The following CDH13 variants were observed in gnomAD, a reference collection of about 807,000 sequenced individuals.
CDH13 encodes the protein cadherin-13.
CDH13 carries 24 observed loss-of-function variants against 63.8 expected under a neutral mutation model. That is an observed-to-expected ratio of 0.38 (90% CI 0.27 to 0.53). The LOEUF is 0.53. Among genes scored for constraint, CDH13 ranks in the 20% least tolerant of loss-of-function variants. The probability of loss-of-function intolerance (pLI) is 0.85; values close to 1 mark genes in which losing one functional copy is unlikely to be tolerated. For missense variants in CDH13, 1,049 were observed against 903.1 expected (o/e 1.16, Z -2.07); for synonymous variants, 503 against 355.3 (o/e 1.42, Z -4.67).
At chr16:82,982,330 A>G (rs1471822229) in intron 2 of CDH13, among the ~76,000 whole-genome samples, 1 of 152,174 alleles carries the variant, frequency 6.6e-6, no homozygotes. Flanking sequence ...TTCTGCTTTT[A>G]GAACTGTATT....
chr16:83,493,215 A>G (rs1648299653), intron 7 of CDH13, among the ~76,000 whole-genome samples: 1 of 152,240 alleles, frequency 6.6e-6, no homozygotes, highest in Admixed American at 6.5e-5. Flanking sequence ...AGATGTTTCC[A>G]TGATTGACAA....
At chr16:82,967,069 T>C (rs1190271463) in intron 2 of CDH13, among the ~76,000 whole-genome samples, 2 of 152,216 alleles carry the variant, frequency 1.3e-5, no homozygotes, top group Admixed American at 1.3e-4. Flanking sequence ...GTTCTGTCTT[T>C]CGTGACCATG....
intron 8 of CDH13, among the ~76,000 whole-genome samples, chr16:83,612,098 TGAAA>T (rs1291803036): frequency 1.3e-5 from 2 of 152,232 alleles, no homozygotes; most frequent in East Asian, 1.9e-4. Flanking sequence ...TATCAGTTAC[TGAAA>T]GAGTGATATG....
intron 2 of CDH13, among the ~76,000 whole-genome samples, chr16:82,986,478 C>T (rs777505761): frequency 7.2e-5 from 11 of 152,216 alleles, no homozygotes; most frequent in African/African-American, 1.2e-4. Context: ...GGGTCAAAAA[C>T]ACTGCAAAAT....
chr16:83,299,488 T>C (rs1252376566), intron 5 of CDH13, among the ~76,000 whole-genome samples: 1 of 152,204 alleles, frequency 6.6e-6, no homozygotes, highest in Non-Finnish European at 1.5e-5. Context: ...CCATCACTCA[T>C]CTGCTTTTCC....
At chr16:83,038,311 G>C (rs932527496) in intron 3 of CDH13, among the ~76,000 whole-genome samples, 1 of 152,146 alleles carries the variant, frequency 6.6e-6, no homozygotes, top group East Asian at 1.9e-4. Context: ...TGTGAGGTCT[G>C]ATTGTTAATG....
chr16:82,822,229 T>G (rs2038037361), intron 1 of CDH13, among the ~76,000 whole-genome samples: 1 of 152,116 alleles, frequency 6.6e-6, no homozygotes. Context: ...CTTCCAAATG[T>G]CTATCAAAAG....
At chr16:83,415,644 A>G (rs921092023) in intron 6 of CDH13, among the ~76,000 whole-genome samples, 5 of 152,222 alleles carry the variant, frequency 3.3e-5, no homozygotes, top group African/African-American at 9.6e-5. Flanking sequence ...TTAGCAGACT[A>G]GAAAATAAAA....
intron 5 of CDH13, among the ~76,000 whole-genome samples, chr16:83,232,094 A>G (rs2040011797): frequency 6.6e-6 from 1 of 151,958 alleles, no homozygotes; most frequent in South Asian, 2.1e-4. Flanking sequence ...AACATAACTA[A>G]TGGGTGCTAG....
intron 10 of CDH13, among the ~76,000 whole-genome samples, chr16:83,745,880 C>T (rs1387016972): frequency 4.6e-5 from 7 of 152,172 alleles, no homozygotes; most frequent in Admixed American, 2.0e-4. Context: ...GTATCTTCTT[C>T]GAAGTAAGAT....
At chr16:83,274,218 G>A (rs1344814230) in intron 5 of CDH13, among the ~76,000 whole-genome samples, 1 of 152,196 alleles carries the variant, frequency 6.6e-6, no homozygotes, top group East Asian at 1.9e-4. Context: ...GGGATTGCTG[G>A]CAGGAAGGTG....
Position 82,839,092 on chromosome 16 carries a change from G to A in CDH13, c.46-19270G>A, listed in dbSNP as rs142313213. Among the ~76,000 whole-genome samples the A allele has an allele frequency of 7.5e-4, 114 of 152,322 alleles. 2 individuals carry two copies. Among genetic ancestry groups the A allele is most frequent in the Middle Eastern group, 3.4e-3 (1 of 294 alleles). On this transcript the variant is annotated intron_variant, in intron 1 of 13. Coordinates refer to ENST00000567109, the MANE Select transcript of CDH13 (RefSeq NM_001257.5). ...CTGACAATAGGCTAAGATGTGGCCCGTGGGCTTTGGTTTGCCAATCAATGG... is the reference window on the plus strand; with the variant it reads ...CTGACAATAGGCTAAGATGTGGCCCATGGGCTTTGGTTTGCCAATCAATGG...
chr16:82,975,911 C>T (rs1909436224), intron 2 of CDH13, among the ~76,000 whole-genome samples: 1 of 152,120 alleles, frequency 6.6e-6, no homozygotes. Context: ...ATTTTACTGA[C>T]ATCTCTCCTC....
chr16:83,148,161 C>T (rs1295710301), intron 4 of CDH13, among the ~76,000 whole-genome samples: 1 of 152,192 alleles, frequency 6.6e-6, no homozygotes, highest in Non-Finnish European at 1.5e-5. Context: ...TGATCCTGAA[C>T]TCCTGACCTC....
chr16:83,084,033 C>T (rs575703974), intron 3 of CDH13, among the ~76,000 whole-genome samples: 2 of 152,302 alleles, frequency 1.3e-5, no homozygotes, highest in Admixed American at 6.5e-5. Flanking sequence ...ATTTTTACTA[C>T]ACTTTGTGGC....
chr16:83,215,073 C>CTTTTTTTTTTTTTTTTTTTTTTT lies in CDH13; in HGVS notation c.484-2251_484-2250insTTTTTTTTTTTTTTTTTTTTTTT, dbSNP rs571565652. On this transcript the variant is annotated intron_variant, in intron 4 of 13. Coordinates refer to ENST00000567109, the MANE Select transcript of CDH13 (RefSeq NM_001257.5). ...TTTCATCAGAGAGTATCAAACACCT[C>CTTTTTTTTTTTTTTTTTTTTTTT]TTTTTTTTTTTTTTTTTTTTTGAGA... 5.5e-4 allele frequency among the ~76,000 whole-genome samples: 31 copies of CTTTTTTTTTTTTTTTTTTTTTTT among 56,240 alleles called. 9 individuals are homozygous for CTTTTTTTTTTTTTTTTTTTTTTT. The highest frequency in any genetic ancestry group is 1.9e-3 in the African/African-American group (26 of 13,910). 36.9% of individuals were successfully genotyped at this position (56,240 alleles called of 152,430 possible).
At chr16:83,752,822 A>T (rs1313229501) in intron 11 of CDH13, among the ~76,000 whole-genome samples, 1 of 152,220 alleles carries the variant, frequency 6.6e-6, no homozygotes, top group Non-Finnish European at 1.5e-5. Context: ...CTCCATCAAA[A>T]GCCATATTAA....
At chr16:83,276,968 C>A (rs1021797379) in intron 5 of CDH13, among the ~76,000 whole-genome samples, 1 of 152,116 alleles carries the variant, frequency 6.6e-6, no homozygotes, top group Non-Finnish European at 1.5e-5. Context: ...CATTAGATCT[C>A]ATGAGACTTA....
intron 10 of CDH13, among the ~76,000 whole-genome samples, chr16:83,707,845 A>AAAAAAAAAAAAAAAAAAAAC (rs1907358057): frequency 6.7e-6 from 1 of 150,196 alleles, no homozygotes; most frequent in African/African-American, 2.4e-5. Flanking sequence ...GCAAAAAAAA[A>AAAAAAAAAAAAAAAAAAAAC]AAAAAAAAAA....
Sources: gnomAD v4.1 joint callset for allele counts (sites outside exome capture counted in the v4.1 genomes callset) on GRCh38, gnomAD v4.1.1 for gene constraint, MANE v1.5 for transcripts, NCBI Gene and HGNC (gene_info 2026-07-23, HGNC 2026-07-21) for gene names.